The following ZNF326 variants were observed in gnomAD, a reference collection of about 807,000 sequenced individuals.
The protein encoded by ZNF326 is zinc finger protein 326, also known as DBIRD complex subunit ZNF326.
In ZNF326, 30 loss-of-function variants were observed where a neutral mutation model predicts 63.1. The ratio of observed to expected loss-of-function variants is 0.48; its 90% CI spans 0.36 to 0.64. The LOEUF (loss-of-function observed/expected upper bound fraction) is 0.64. Among genes scored for constraint, ZNF326 ranks in the 30% least tolerant of loss-of-function variants. ZNF326 has a pLI of 0.00. For missense variants in ZNF326, 609 were observed against 720.3 expected, an observed-to-expected ratio of 0.85 and a Z score of 1.77; for synonymous variants, 194 against 228.2, an observed-to-expected ratio of 0.85 and a Z score of 1.35.
rs978243064 is a variant in ZNF326 at position 90,035,340 on chromosome 1, A to T, written c.*7639A>T. On this transcript the variant is annotated 3_prime_UTR_variant, in exon 12 of 12. Coordinates refer to ENST00000340281, the MANE Select transcript of ZNF326 (RefSeq NM_182976.4). ...AGGTAGTTTTGTTTAATAGTTCACC[A>T]TGAAAATCTGTACTATATAGAAAAT... is the stretch of plus-strand genomic sequence containing the variant. 1 of 152,214 alleles carries T rather than the reference A, an allele frequency of 6.6e-6. No individual in the cohort carries two copies. Among genetic ancestry groups the T allele is most frequent in the Non-Finnish European group, 1.5e-5 (1 of 68,024 alleles). The allele number at this position is 152,214 out of a possible 1,614,324, so 9.4% of individuals were successfully genotyped here.
Position 90,010,191 on chromosome 1 carries a change from A to G in ZNF326, c.719A>G (p.Lys240Arg), listed in dbSNP as rs770465305. The G allele has an allele frequency of 1.7e-5, 27 of 1,613,850 alleles. No individual in the cohort carries two copies. Among genetic ancestry groups the G allele is most frequent in the Non-Finnish European group, 2.3e-5 (27 of 1,179,884 alleles). ...TVAAARGIKRKMMQPFNKPSG... is the reference protein window; with the variant it reads ...TVAAARGIKRRMMQPFNKPSG... Reference sequence around the variant, plus strand: ...GCTGCTGCAAGAGGAATAAAGAGAAAAATGATGCAGCCATTTAATAAGCCC... The same window carrying G: ...GCTGCTGCAAGAGGAATAAAGAGAAGAATGATGCAGCCATTTAATAAGCCC... Residue 240 changes from lysine (K) to arginine (R), a missense_variant, in exon 6 of 12, where the codon AAA becomes AGA. Around this residue, in one of 3 missense-constraint regions of ZNF326, gnomAD observed 399 missense variants for 444.3 expected, o/e 0.90. Coordinates refer to ENST00000340281, the MANE Select transcript of ZNF326 (RefSeq NM_182976.4).
At position 90,027,526 on chromosome 1, in the gene ZNF326, G is replaced by C; in HGVS notation, c.1574G>C (p.Arg525Thr). 6.2e-7 allele frequency: 1 copy of C among 1,611,340 alleles called. No homozygotes were observed. The highest frequency in any genetic ancestry group is 8.5e-7 in the Non-Finnish European group (1 of 1,178,550). Residue 525 changes from arginine (R) to threonine (T), a missense_variant, in exon 12 of 12, where the codon AGA (arginine) becomes ACA (threonine). Arg to Thr is a moderately conservative substitution (Grantham distance 71). Transcript: ENST00000340281. Reference protein sequence around the residue: ...VEEVEEVEEVREGGIEGEGNI... With the variant: ...VEEVEEVEEVTEGGIEGEGNI... ...GAAGTGGAAGAAGTAGAGGAAGTGAGAGAAGGAGGAATAGAGGGCGAGGGA... is the reference window on the plus strand; with the variant it reads ...GAAGTGGAAGAAGTAGAGGAAGTGACAGAAGGAGGAATAGAGGGCGAGGGA...
chr1:90,017,080 A>G lies in ZNF326; in HGVS notation c.927-237A>G, dbSNP rs375546992. On this transcript the variant is annotated intron_variant, in intron 7 of 11. Transcript: ENST00000340281. ...GATAACTTATAGATCCCCTGATTCA[A>G]TTTTTCCTACCCGGAAGCTCCAAGG... Among the ~76,000 whole-genome samples the G allele has an allele frequency of 1.1e-4, 16 of 152,334 alleles. No individual in the cohort carries two copies. In the East Asian group the frequency reaches 1.2e-3, roughly 11 times the overall value.
intron 10 of ZNF326, 109 bp downstream of exon 10, chr1:90,021,031 C>G: frequency 8.5e-7 from 1 of 1,175,994 alleles, no homozygotes; most frequent in Non-Finnish European, 1.2e-6. Context: ...TTATCAATCT[C>G]ATATGGAAAT....
rs1395809860 is a variant in ZNF326 at position 90,035,023 on chromosome 1, C to T, written c.*7322C>T. On this transcript the variant is annotated 3_prime_UTR_variant, in exon 12 of 12. Coordinates refer to ENST00000340281, the MANE Select transcript of ZNF326 (RefSeq NM_182976.4). ...AAATACCATAAGCTTGATAGATGCT[C>T]GAAAAACATTTCCTAAGATTGAACA... 2.0e-5 allele frequency: 3 copies of T among 152,094 alleles called. No homozygotes were observed. Among genetic ancestry groups the T allele is most frequent in the Non-Finnish European group, 1.5e-5 (1 of 67,994 alleles). 9.4% of individuals were successfully genotyped at this position (152,094 alleles called of 1,614,324 possible). A position where few individuals can be genotyped will look rare whatever the true frequency, so the allele number is the denominator to read the frequency against.
chr1:90,021,091 C>G (rs544599245), intron 10 of ZNF326, among the ~76,000 whole-genome samples, 169 bp downstream of exon 10: 1 of 152,126 alleles, frequency 6.6e-6, no homozygotes, highest in Admixed American at 6.5e-5. Flanking sequence ...AGACTGAGCT[C>G]TAAAGTAAGA....
At position 90,018,770 on chromosome 1, in the gene ZNF326, A is replaced by G; in HGVS notation, c.1160A>G (p.Lys387Arg). ...NQTEVVKIIE[K>R]DVMEGVTVDD... ...ACAGAAGTAGTTAAAATAATTGAAA[A>G]AGATGTTATGGAAGGTAAGTATTTA... Residue 387 changes from lysine to arginine, a missense_variant, in exon 9 of 12, where the codon AAA becomes AGA. Lys to Arg is a conservative substitution (Grantham distance 26). Around this residue, in one of 3 missense-constraint regions of ZNF326, gnomAD observed 399 missense variants for 444.3 expected, o/e 0.90. Coordinates refer to ENST00000340281, the MANE Select transcript of ZNF326 (RefSeq NM_182976.4). 1.3e-6 allele frequency: 2 copies of G among 1,540,268 alleles called. No individual in the cohort carries two copies. The highest frequency in any genetic ancestry group is 1.8e-6 in the Non-Finnish European group (2 of 1,131,694).
At chr1:90,014,587 G>A (rs1002125338) in intron 7 of ZNF326, among the ~76,000 whole-genome samples, 1 of 152,188 alleles carries the variant, frequency 6.6e-6, no homozygotes, top group East Asian at 1.9e-4. Flanking sequence ...ATAACTATTA[G>A]CAATTTAGCA....
intron 9 of ZNF326, among the ~76,000 whole-genome samples, chr1:90,020,561 A>G (rs1456701552): frequency 2.6e-5 from 4 of 152,076 alleles, no homozygotes; most frequent in Non-Finnish European, 5.9e-5. Context: ...GTTGTTTAAC[A>G]TGATTAGGAA....
intron 8 of ZNF326, among the ~76,000 whole-genome samples, chr1:90,018,278 C>T (rs960229127): frequency 8.2e-5 from 12 of 146,646 alleles, no homozygotes; most frequent in Admixed American, 3.4e-4. Context: ...GGTGACAGAG[C>T]GAGACTCCAT....
intron 7 of ZNF326, 60 bp from the exon 8 acceptor site, chr1:90,017,257 A>G (rs1649541741): frequency 8.3e-7 from 1 of 1,204,870 alleles, no homozygotes; most frequent in East Asian, 2.7e-5. Flanking sequence ...TTATATTCTT[A>G]TGAACTCTTT....
rs1051779182 is a variant in ZNF326, at chr1:90,013,023, A to G, written c.815-103A>G. 28 of 888,334 alleles carry G rather than the reference A, an allele frequency of 3.2e-5. No homozygotes were observed. In the South Asian group the frequency reaches 7.0e-4, roughly 22 times the overall value. The allele number at this position is 888,334 out of a possible 1,614,324, so 55.0% of individuals were successfully genotyped here. On this transcript the variant is annotated intron_variant, in intron 6 of 11. Coordinates refer to ENST00000340281, the MANE Select transcript of ZNF326 (RefSeq NM_182976.4). The stretch of plus-strand genomic sequence containing the variant: ...TTGGTGAGTTCAATTTTAGATTACA[A>G]TCACTAAGTATACCTCATAAGTATG...
rs201147468 is a variant in ZNF326 at position 90,005,213 on chromosome 1, G to A, written c.178G>A (p.Asp60Asn). The A allele has an allele frequency of 6.2e-7, 1 of 1,613,934 alleles. No homozygotes were observed. The highest frequency in any genetic ancestry group is 1.3e-5 in the African/African-American group (1 of 75,004). Reference sequence around the variant, plus strand: ...CTACCTAAACCAGTCATATGGCATGGACAATCACAGTGGTGGTGGTGGGGG... The same window carrying A: ...CTACCTAAACCAGTCATATGGCATGAACAATCACAGTGGTGGTGGTGGGGG... ...DSYLNQSYGM[D>N]NHSGGGGGSR... Residue 60 changes from aspartate to asparagine, a missense_variant, in exon 4 of 12, where the codon GAC becomes AAC. By Grantham distance (23) the Asp-to-Asn change is conservative (BLOSUM62 1). Around this residue, in one of 3 missense-constraint regions of ZNF326, gnomAD observed 97 missense variants for 88.7 expected, o/e 1.09. Transcript: ENST00000340281.
chr1:90,023,835 T>G (rs140836706), intron 11 of ZNF326, among the ~76,000 whole-genome samples: 192 of 152,254 alleles, frequency 1.3e-3, no homozygotes, highest in African/African-American at 4.5e-3. Context: ...ATGCACATGT[T>G]GTAGAGAACA....
In ZNF326 at chr1:90,029,679, T is replaced by C. The variant is rs534765671; in HGVS notation, c.*1978T>C. On this transcript the variant is annotated 3_prime_UTR_variant, in exon 12 of 12. Transcript: ENST00000340281. Reference sequence around the variant, plus strand: ...ATGAAACTTTTGGGAAGAAAACCATTATGTAACAAGAATCCTATGTAACAA... The same window carrying C: ...ATGAAACTTTTGGGAAGAAAACCATCATGTAACAAGAATCCTATGTAACAA... The C allele has an allele frequency of 1.3e-5, 2 of 152,184 alleles. No homozygotes were observed. The highest frequency in any genetic ancestry group is 2.9e-5 in the Non-Finnish European group (2 of 68,030). The allele number at this position is 152,184 out of a possible 1,614,324, so 9.4% of individuals were successfully genotyped here. A position where few individuals can be genotyped will look rare whatever the true frequency, so the allele number is the denominator to read the frequency against.
rs1292516327 is a variant in ZNF326 at position 90,027,793 on chromosome 1, C to A, written c.*92C>A. The A allele has an allele frequency of 5.8e-6, 7 of 1,205,594 alleles. No individual in the cohort carries two copies. Among genetic ancestry groups the A allele is most frequent in the Non-Finnish European group, 8.3e-6 (7 of 841,002 alleles). 74.7% of individuals were successfully genotyped at this position (1,205,594 alleles called of 1,614,324 possible). On this transcript the variant is annotated 3_prime_UTR_variant, in exon 12 of 12. Transcript: ENST00000340281. Reference sequence around the variant, plus strand: ...TAATAGCTTAAAATATGAATTAACACCCATGTTGCATGCATTCCACATATT... The same window carrying A: ...TAATAGCTTAAAATATGAATTAACAACCATGTTGCATGCATTCCACATATT...
In ZNF326 at chr1:90,027,704, A is replaced by G. The variant is rs776367355; in HGVS notation, c.*3A>G. On this transcript the variant is annotated 3_prime_UTR_variant, in exon 12 of 12. Coordinates refer to ENST00000340281, the MANE Select transcript of ZNF326 (RefSeq NM_182976.4). The stretch of plus-strand genomic sequence containing the variant: ...TTGAGCAACCTGAAGAAAATTAAAT[A>G]TAAGGTATTAGATTTAAAAGGAGCT... 3 of 1,612,400 alleles carry G rather than the reference A, an allele frequency of 1.9e-6. No homozygotes were observed. The highest frequency in any genetic ancestry group is 2.2e-5 in the South Asian group (2 of 91,046).
rs112002652 is a variant in ZNF326, at chr1:90,023,188, A to G, written c.1401+843A>G. Among the ~76,000 whole-genome samples, 1,467 of 152,236 alleles carry G rather than the reference A, an allele frequency of 9.6e-3. 23 individuals are homozygous for G. The highest frequency in any genetic ancestry group is 0.033 in the African/African-American group (1,373 of 41,540). ...AGTCTTTTGGTTTTGTTGTGTTTTT[A>G]CTTCTCTTATAATACCCAGACTGGT... On this transcript the variant is annotated intron_variant, in intron 11 of 11. Transcript: ENST00000340281.
rs546907100 is a variant in ZNF326 at position 90,035,073 on chromosome 1, C to T, written c.*7372C>T. The T allele has an allele frequency of 1.3e-5, 2 of 152,226 alleles. No individual in the cohort carries two copies. Among genetic ancestry groups the T allele is most frequent in the South Asian group, 4.1e-4 (2 of 4,822 alleles). The allele number at this position is 152,226 out of a possible 1,614,324, so 9.4% of individuals were successfully genotyped here. A position where few individuals can be genotyped will look rare whatever the true frequency, so the allele number is the denominator to read the frequency against. On this transcript the variant is annotated 3_prime_UTR_variant, in exon 12 of 12. Transcript: ENST00000340281. ...ACATTCCAGATTTAAATTTTTCAGG[C>T]TGAGAATAGAATAAAGCCTTTGTAA...
Sources: gnomAD v4.1 joint callset for allele counts (sites outside exome capture counted in the v4.1 genomes callset) on GRCh38, gnomAD v4.1.1 for gene constraint, gnomAD v4.1.1 regional missense constraint, MANE v1.5 for transcripts, NCBI Gene and HGNC (gene_info 2026-07-23, HGNC 2026-07-21) for gene names.